The following IL23R variants were observed in gnomAD, a reference collection of about 807,000 sequenced individuals.
The protein encoded by IL23R is interleukin 23 receptor, also known as interleukin-23 receptor.
Under a neutral mutation model 56.9 loss-of-function variants are expected in IL23R, and 34 were observed. The ratio of observed to expected loss-of-function variants is 0.60; its 90% CI spans 0.45 to 0.80. The LOEUF (loss-of-function observed/expected upper bound fraction) is 0.80, where lower values mean the gene tolerates loss of function less well. Ranked by LOEUF, IL23R falls within the 30% of genes least tolerant of loss-of-function variation. The probability of loss-of-function intolerance (pLI) is 0.00; values close to 1 mark genes in which losing one functional copy is unlikely to be tolerated. For missense variants in IL23R, 635 were observed against 730.0 expected (o/e 0.87, Z 1.50); for synonymous variants, 230 against 249.2 (o/e 0.92, Z 0.73).
intron 1 of IL23R, among the ~76,000 whole-genome samples, chr1:67,142,619 G>T (rs1244230667): frequency 6.6e-6 from 1 of 152,174 alleles, no homozygotes; most frequent in Non-Finnish European, 1.5e-5. Context: ...AGGCTGGAGT[G>T]CAATGGTATG....
intron 4 of IL23R, among the ~76,000 whole-genome samples, chr1:67,185,296 CT>C (rs928985153): frequency 6.6e-6 from 1 of 152,148 alleles, no homozygotes; most frequent in African/African-American, 2.4e-5. Context: ...GTCTTCTCAA[CT>C]TATTTTCTGC....
Position 67,258,579 on chromosome 1 carries a change from T to C in IL23R, c.1341T>C (p.Pro447=), listed in dbSNP as rs747337602. 5.6e-6 allele frequency: 9 copies of C among 1,613,224 alleles called. No individual in the cohort carries two copies. The African/African-American group carries it at 1.2e-4, about 22-fold the overall frequency. ...IKEIFIPEHK[P]TDYKKENTGP... ...AAATCTTCATCCCAGAACACAAGCC[T>C]ACAGACTACAAGAAGGAGAATACAG... is the stretch of plus-strand genomic sequence containing the variant. The change falls in exon 11 of 11, where the codon CCT becomes CCC. Residue 447 remains proline, a synonymous_variant. Coordinates refer to ENST00000347310, the MANE Select transcript of IL23R (RefSeq NM_144701.3).
intron 4 of IL23R, among the ~76,000 whole-genome samples, chr1:67,200,103 G>T (rs1194139775): frequency 6.6e-6 from 1 of 151,912 alleles, no homozygotes; most frequent in South Asian, 2.1e-4. Context: ...GCAGTGGTGT[G>T]ATCTCGGCTC....
intron 4 of IL23R, among the ~76,000 whole-genome samples, chr1:67,186,174 C>T (rs1457216997): frequency 4.6e-5 from 7 of 152,136 alleles, no homozygotes; most frequent in Non-Finnish European, 8.8e-5. Context: ...GGCAGTATGG[C>T]AGCAAACTTT....
chr1:67,142,864 G>A (rs962238752), intron 1 of IL23R, among the ~76,000 whole-genome samples: 11 of 152,104 alleles, frequency 7.2e-5, no homozygotes, highest in African/African-American at 1.9e-4. Context: ...CACTGTGTCC[G>A]GCCTGGTCTA....
intron 6 of IL23R, among the ~76,000 whole-genome samples, chr1:67,219,245 G>A (rs1245688024): frequency 6.6e-6 from 1 of 152,084 alleles, no homozygotes; most frequent in Non-Finnish European, 1.5e-5. Flanking sequence ...GTGCATGACT[G>A]TAATCCCAGT....
downstream of IL23R, among the ~76,000 whole-genome samples, chr1:67,262,247 G>C (rs1415496486): frequency 3.9e-5 from 6 of 152,158 alleles, no homozygotes; most frequent in Admixed American, 2.0e-4. Flanking sequence ...TTATATCCTA[G>C]GGGGAAGAGA....
intron 1 of IL23R, among the ~76,000 whole-genome samples, chr1:67,150,926 G>A (rs995845744): frequency 2.0e-5 from 3 of 152,112 alleles, no homozygotes; most frequent in Non-Finnish European, 2.9e-5. Flanking sequence ...GTATGTGCAC[G>A]TATCTTTGTA....
intron 1 of IL23R, among the ~76,000 whole-genome samples, chr1:67,147,282 C>A (rs1159823155): frequency 6.6e-6 from 1 of 152,204 alleles, no homozygotes; most frequent in East Asian, 1.9e-4. Flanking sequence ...AGTTCCATAA[C>A]AGGCCCCATT....
At chr1:67,144,357 A>C (rs1261328208) in intron 1 of IL23R, among the ~76,000 whole-genome samples, 7 of 152,234 alleles carry the variant, frequency 4.6e-5, no homozygotes, top group Admixed American at 1.3e-4. Context: ...TTCTAGAAAC[A>C]GGAAGATCCT....
At position 67,258,259 on chromosome 1, in the gene IL23R, T is replaced by C. The variant is rs568857593; in HGVS notation, c.1240-219T>C. On this transcript the variant is annotated intron_variant, in intron 10 of 10. Transcript: ENST00000347310. ...TTAAGAAGTGGATTATTTTTACTAT[T>C]CCTTTTCTTCAGTCTTCTCATGCAA... 7.9e-5 allele frequency among the ~76,000 whole-genome samples: 12 copies of C among 152,290 alleles called. No individual in the cohort carries two copies. In the South Asian group the frequency reaches 2.5e-3, roughly 32 times the overall value.
At chr1:67,168,254 AT>A in intron 2 of IL23R, 64 bp downstream of exon 2, 1 of 1,157,612 alleles carries the variant, frequency 8.6e-7, no homozygotes, top group Non-Finnish European at 1.3e-6. Context: ...AGTGATTATC[AT>A]TTTCATGGTT....
chr1:67,231,038 A>T (rs1016480085), intron 7 of IL23R, among the ~76,000 whole-genome samples: 13 of 151,494 alleles, frequency 8.6e-5, no homozygotes, highest in African/African-American at 2.9e-4. Context: ...CCAATGATTT[A>T]AAAAAAAACA....
At chr1:67,151,531 A>G (rs1270005567) in intron 1 of IL23R, among the ~76,000 whole-genome samples, 2 of 152,176 alleles carry the variant, frequency 1.3e-5, no homozygotes, top group African/African-American at 4.8e-5. Context: ...GCCCATGCCT[A>G]TGTCCTGAAT....
chr1:67,257,884 A>C (rs1261039450), intron 10 of IL23R, among the ~76,000 whole-genome samples: 1 of 151,950 alleles, frequency 6.6e-6, no homozygotes, highest in Non-Finnish European at 1.5e-5. Flanking sequence ...TTGTATTTTT[A>C]GTAGAGACAG....
chr1:67,252,624 C>T (rs1652700743), intron 9 of IL23R, among the ~76,000 whole-genome samples: 1 of 152,068 alleles, frequency 6.6e-6, no homozygotes, highest in African/African-American at 2.4e-5. Context: ...CTCAGTGCTC[C>T]TGGGGGTCGT....
chr1:67,229,551 T>G (rs1008678731), intron 7 of IL23R, among the ~76,000 whole-genome samples: 1 of 152,182 alleles, frequency 6.6e-6, no homozygotes, highest in Non-Finnish European at 1.5e-5. Flanking sequence ...CCCTCTCCCC[T>G]CTGGGAGGTT....
chr1:67,240,294 A>G lies in IL23R; in HGVS notation c.1148+13A>G. The G allele has an allele frequency of 1.3e-6, 2 of 1,569,368 alleles. No homozygotes were observed. The highest frequency in any genetic ancestry group is 1.8e-6 in the Non-Finnish European group (2 of 1,139,896). On this transcript the variant is annotated intron_variant, in intron 9 of 10. Transcript: ENST00000347310. ...CATTCCGAACTGGGTAGGTTTTTGC[A>G]GAATTTCTGTTTTCTGATTTAGACT...
At chr1:67,217,412 C>T (rs143767597) in intron 6 of IL23R, among the ~76,000 whole-genome samples, 8 of 152,122 alleles carry the variant, frequency 5.3e-5, no homozygotes, top group Non-Finnish European at 1.0e-4. Context: ...AGTTCCATAA[C>T]GTTCTTCTTA....
Sources: gnomAD v4.1 joint callset for allele counts (sites outside exome capture counted in the v4.1 genomes callset) on GRCh38, gnomAD v4.1.1 for gene constraint, MANE v1.5 for transcripts, NCBI Gene and HGNC (gene_info 2026-07-23, HGNC 2026-07-21) for gene names.